Variants in TTC39B observed in about 807,000 individuals in gnomAD.
TTC39B encodes tetratricopeptide repeat domain 39B, also known as tetratricopeptide repeat protein 39B.
TTC39B carries 92 observed loss-of-function variants against 96.6 expected under a neutral mutation model. The observed-to-expected ratio is 0.95, with a 90% CI of 0.80 to 1.13. The LOEUF is 1.13. TTC39B is among the 50% of genes most tolerant of loss of function. TTC39B has a pLI of 0.00. For synonymous variants in TTC39B, 367 were observed against 299.4 expected (o/e 1.23, Z -2.33); for missense variants, 955 against 809.3 (o/e 1.18, Z -2.18).
chr9:15,285,840 A>G (rs760156917), intron 1 of TTC39B, among the ~76,000 whole-genome samples: 4 of 152,120 alleles, frequency 2.6e-5, no homozygotes, highest in Non-Finnish European at 2.9e-5. Flanking sequence ...AGGGGACAGA[A>G]CGAGATTCCG....
intron 14 of TTC39B, 66 bp from the exon 15 acceptor site, chr9:15,187,101 C>T: frequency 8.7e-7 from 1 of 1,152,334 alleles, no homozygotes; most frequent in South Asian, 1.7e-5. Flanking sequence ...CCTTTCAAAT[C>T]AGGAATGACC....
intron 3 of TTC39B, among the ~76,000 whole-genome samples, chr9:15,216,493 C>T (rs1004155863): frequency 3.9e-5 from 6 of 152,140 alleles, no homozygotes; most frequent in African/African-American, 1.4e-4. Flanking sequence ...TGTAAGAATG[C>T]TAGGAGTTCA....
In TTC39B at chr9:15,286,010, T is replaced by C. The variant is rs187891697; in HGVS notation, c.241-18062A>G. Among the ~76,000 whole-genome samples, 70 of 152,360 alleles carry C rather than the reference T, an allele frequency of 4.6e-4. 1 individual carries two copies. In the Middle Eastern group the frequency reaches 0.01, roughly 22 times the overall value. On this transcript the variant is annotated intron_variant, in intron 1 of 19. Transcript: ENST00000512701. ...ATCAATCTAGCCAAACAGTATTTTT[T>C]TCCTGAACCATTTGAGAGCGAATTG...
chr9:15,170,493 T>C (rs1817613337), exon 20 of TTC39B: 1 of 152,212 alleles, frequency 6.6e-6, no homozygotes, highest in Admixed American at 6.5e-5. Flanking sequence ...TATAGCCTTT[T>C]ACAGTTTACA....
At chr9:15,166,341 A>G (rs910758073) in exon 20 of TTC39B, 7 of 152,198 alleles carry the variant, frequency 4.6e-5, no homozygotes, top group African/African-American at 1.4e-4. Flanking sequence ...TCATGGGTAC[A>G]TTGTAAGCAG....
At chr9:15,297,589 C>T (rs660686) in intron 1 of TTC39B, among the ~76,000 whole-genome samples, 133,212 of 152,080 alleles carry the variant, frequency 0.88, 58,404 homozygotes, top group East Asian at 0.97. Context: ...TTTCTAACTG[C>T]CTTTTTCAGA....
At chr9:15,219,293 A>G (rs893658421) in intron 3 of TTC39B, among the ~76,000 whole-genome samples, 2 of 152,114 alleles carry the variant, frequency 1.3e-5, no homozygotes, top group African/African-American at 4.8e-5. Context: ...ATATATATTG[A>G]GGCATTACTA....
At chr9:15,188,110 C>A in exon 14 of TTC39B, 1 of 1,603,484 alleles carries the variant, frequency 6.2e-7, no homozygotes, top group Non-Finnish European at 8.5e-7. Context: ...AACTGAAATG[C>A]ATTTTTGAAA....
intron 2 of TTC39B, among the ~76,000 whole-genome samples, chr9:15,232,892 A>C (rs655099): frequency 1.3e-5 from 2 of 151,982 alleles, no homozygotes; most frequent in African/African-American, 4.8e-5. Flanking sequence ...TGGCTGCTGC[A>C]GGGCCAGTGG....
chr9:15,201,812 C>T (rs534153070), intron 7 of TTC39B, among the ~76,000 whole-genome samples: 12 of 152,122 alleles, frequency 7.9e-5, no homozygotes, highest in African/African-American at 2.7e-4. Flanking sequence ...GAAAAAGTAC[C>T]CCCCTCATTT....
At chr9:15,296,793 G>A (rs1824396768) in intron 1 of TTC39B, among the ~76,000 whole-genome samples, 1 of 152,122 alleles carries the variant, frequency 6.6e-6, no homozygotes, top group Non-Finnish European at 1.5e-5. Context: ...CACTGCGCCT[G>A]GCCAAAAGCA....
At chr9:15,201,976 G>C (rs1202225005) in intron 7 of TTC39B, among the ~76,000 whole-genome samples, 1 of 152,174 alleles carries the variant, frequency 6.6e-6, no homozygotes, top group Non-Finnish European at 1.5e-5. Context: ...AGAAATTAGA[G>C]AGGGAGAGTC....
At chr9:15,284,607 A>G (rs895254557) in intron 1 of TTC39B, among the ~76,000 whole-genome samples, 1 of 152,222 alleles carries the variant, frequency 6.6e-6, no homozygotes, top group African/African-American at 2.4e-5. Flanking sequence ...GGAAAGGTGT[A>G]GGGTACAAAA....
At chr9:15,292,411 T>G (rs1824220369) in intron 1 of TTC39B, among the ~76,000 whole-genome samples, 1 of 152,200 alleles carries the variant, frequency 6.6e-6, no homozygotes, top group Non-Finnish European at 1.5e-5. Flanking sequence ...TATATAAAAG[T>G]ATAGCACATA....
intron 1 of TTC39B, among the ~76,000 whole-genome samples, chr9:15,278,482 T>C (rs1307605731): frequency 6.6e-6 from 1 of 152,214 alleles, no homozygotes; most frequent in Non-Finnish European, 1.5e-5. Flanking sequence ...ACCTTGTAAA[T>C]CATTTACTAT....
Position 15,175,255 on chromosome 9 carries a change from A to C in TTC39B, c.1842-120T>G, listed in dbSNP as rs1179098404. 7.5e-6 allele frequency: 5 copies of C among 670,576 alleles called. No homozygotes were observed. The African/African-American group carries it at 9.1e-5, about 12-fold the overall frequency. 41.5% of individuals were successfully genotyped at this position (670,576 alleles called of 1,614,324 possible). A position where few individuals can be genotyped will look rare whatever the true frequency, so the allele number is the denominator to read the frequency against. On this transcript the variant is annotated intron_variant, in intron 18 of 19. Transcript: ENST00000512701. ...GCAGCACTAAGTCTATTATCATAGA[A>C]AGGCGGCCATTGTATAGTTATGGAA...
At chr9:15,215,230 G>A (rs1053364303) in intron 3 of TTC39B, among the ~76,000 whole-genome samples, 2 of 152,156 alleles carry the variant, frequency 1.3e-5, no homozygotes, top group South Asian at 2.1e-4. Flanking sequence ...CAGCCTGAGC[G>A]ATAGAGACTT....
chr9:15,238,083 T>C (rs574881151), intron 2 of TTC39B, among the ~76,000 whole-genome samples: 4 of 152,178 alleles, frequency 2.6e-5, no homozygotes, highest in African/African-American at 9.6e-5. Context: ...ATAAAAACCT[T>C]CAACAAACCA....
intron 1 of TTC39B, among the ~76,000 whole-genome samples, chr9:15,282,656 C>T (rs996092376): frequency 1.3e-5 from 2 of 152,168 alleles, no homozygotes; most frequent in Non-Finnish European, 2.9e-5. Context: ...CCAGACACTG[C>T]TCCACAAACT....
Sources: gnomAD v4.1 joint callset for allele counts (sites outside exome capture counted in the v4.1 genomes callset) on GRCh38, gnomAD v4.1.1 for gene constraint, MANE v1.5 for transcripts, NCBI Gene and HGNC (gene_info 2026-07-23, HGNC 2026-07-21) for gene names.